Variants in PLB1 observed in about 807,000 individuals in gnomAD.
PLB1 encodes the protein phospholipase B1.
Under a neutral mutation model 227.4 loss-of-function variants are expected in PLB1, and 242 were observed. The ratio of observed to expected loss-of-function variants is 1.06; its 90% CI spans 0.96 to 1.18. The LOEUF is 1.18. PLB1 is among the 50% of genes most tolerant of loss of function. The pLI, the probability that PLB1 is intolerant of heterozygous loss-of-function variation, is 0.00. For missense variants in PLB1, 1,858 were observed against 1,816.3 expected (o/e 1.02, Z -0.42); for synonymous variants, 757 against 682.2 (o/e 1.11, Z -1.71).
At chr2:28,592,035 A>G (rs1682043822) in intron 31 of PLB1, among the ~76,000 whole-genome samples, 1 of 151,986 alleles carries the variant, frequency 6.6e-6, no homozygotes, top group Non-Finnish European at 1.5e-5. Context: ...CTGTGAGCAC[A>G]CCCTTGGTGG....
intron 23 of PLB1, among the ~76,000 whole-genome samples, chr2:28,581,494 T>TAAATAAAA (rs1553439306): frequency 2.6e-5 from 1 of 38,902 alleles, no homozygotes; most frequent in Non-Finnish European, 5.6e-5. Context: ...AAAAAATAAA[T>TAAATAAAA]AAATAAATAA....
chr2:28,593,540 G>T, intron 32 of PLB1, 141 bp from the exon 33 acceptor site: 1 of 687,642 alleles, frequency 1.5e-6, no homozygotes. Context: ...GGCAGACTTA[G>T]AGCCAGGGGC....
At position 28,643,004 on chromosome 2, in the gene PLB1, C is replaced by T; in HGVS notation, c.4320C>T (p.Cys1440=). 2 of 1,611,178 alleles carry T rather than the reference C, an allele frequency of 1.2e-6. No individual in the cohort carries two copies. The highest frequency in any genetic ancestry group is 1.1e-5 in the South Asian group (1 of 90,232). Residue 1440 remains cysteine (C), a synonymous_variant, in exon 58 of 58, where the codon TGC becomes TGT. Coordinates refer to ENST00000327757, the MANE Select transcript of PLB1 (RefSeq NM_153021.5). Reference sequence around the variant, plus strand: ...TCATCGGGACAGTGGTCTGGAGGTGCAGGAGAGGTGGCCGGAGGGAAGATC... The same window carrying T: ...TCATCGGGACAGTGGTCTGGAGGTGTAGGAGAGGTGGCCGGAGGGAAGATC... ...VGIIGTVVWR[C]RRGGRREDPP... is the part of the protein sequence containing the mutation.
At chr2:28,519,865 A>C (rs1572711733) in intron 4 of PLB1, 102 bp downstream of exon 4, 9 of 763,424 alleles carry the variant, frequency 1.2e-5, no homozygotes, top group Non-Finnish European at 2.0e-5. Context: ...TTTGGGAGAG[A>C]ACATCATGTG....
intron 49 of PLB1, among the ~76,000 whole-genome samples, chr2:28,624,093 G>A (rs1303750989): frequency 6.6e-6 from 1 of 152,108 alleles, no homozygotes; most frequent in Non-Finnish European, 1.5e-5. Context: ...GCAAGACCCT[G>A]TCTCAAAAAG....
At chr2:28,511,940 G>C (rs147795417) in intron 1 of PLB1, among the ~76,000 whole-genome samples, 1 of 148,890 alleles carries the variant, frequency 6.7e-6, no homozygotes, top group Non-Finnish European at 1.5e-5. Flanking sequence ...ACCTACCACC[G>C]TGCCTGGCTA....
chr2:28,582,694 C>G (rs868688679), intron 25 of PLB1, among the ~76,000 whole-genome samples, 189 bp downstream of exon 25: 1 of 152,200 alleles, frequency 6.6e-6, no homozygotes, highest in African/African-American at 2.4e-5. Context: ...AGGCCTCAGC[C>G]CACCTCAGGG....
chr2:28,549,875 A>C (rs1426242360), intron 15 of PLB1, 135 bp from the exon 16 acceptor site: 1 of 627,408 alleles, frequency 1.6e-6, no homozygotes, highest in Non-Finnish European at 2.8e-6. Context: ...AGAGCCAGAG[A>C]ATGGTTTGGT....
chr2:28,500,100 A>G (rs1666913380), intron 1 of PLB1, among the ~76,000 whole-genome samples: 1 of 152,200 alleles, frequency 6.6e-6, no homozygotes, highest in African/African-American at 2.4e-5. Flanking sequence ...TAATGTTGTG[A>G]ATTAAATAAA....
chr2:28,626,801 T>A (rs946241048), intron 51 of PLB1, among the ~76,000 whole-genome samples: 1 of 152,182 alleles, frequency 6.6e-6, no homozygotes, highest in Admixed American at 6.5e-5. Context: ...CACACAAATA[T>A]GACCTCTGGT....
intron 45 of PLB1, 109 bp from the exon 46 acceptor site, chr2:28,618,232 A>G: frequency 9.8e-7 from 1 of 1,023,624 alleles, no homozygotes. Flanking sequence ...GCTGAAAATA[A>G]GTACAATGGG....
At chr2:28,628,355 G>T (rs1688101805) in intron 51 of PLB1, among the ~76,000 whole-genome samples, 1 of 152,146 alleles carries the variant, frequency 6.6e-6, no homozygotes, top group African/African-American at 2.4e-5. Flanking sequence ...GGTTGGGATT[G>T]TTCATGGTGT....
intron 20 of PLB1, 151 bp downstream of exon 20, chr2:28,566,990 C>T (rs906123867): frequency 1.9e-5 from 17 of 887,848 alleles, no homozygotes; most frequent in Non-Finnish European, 2.8e-5. Flanking sequence ...AGACTGCCGC[C>T]CAGCTCCGCT....
In PLB1 at chr2:28,618,323, T is replaced by G; in HGVS notation, c.3257-18T>G. On this transcript the variant is annotated intron_variant, in intron 45 of 57. Coordinates refer to ENST00000327757, the MANE Select transcript of PLB1 (RefSeq NM_153021.5). Reference sequence around the variant, plus strand: ...TACCCCCAGCCCCCACAACCACCTCTCTGCTTGTCTCCCCTAGTCCACCAG... The same window carrying G: ...TACCCCCAGCCCCCACAACCACCTCGCTGCTTGTCTCCCCTAGTCCACCAG... 6.2e-7 allele frequency: 1 copy of G among 1,613,454 alleles called. No individual in the cohort carries two copies. Among genetic ancestry groups the G allele is most frequent in the Non-Finnish European group, 8.5e-7 (1 of 1,179,420 alleles).
intron 8 of PLB1, among the ~76,000 whole-genome samples, chr2:28,530,363 TATGAAATGGGGTG>T: frequency 6.6e-6 from 1 of 152,302 alleles, no homozygotes; most frequent in East Asian, 1.9e-4. Context: ...TTTTTCTGTT[TATGAAATGGGGTG>T]ATAAAAGAGC....
chr2:28,626,884 C>G (rs1437364388), intron 51 of PLB1, among the ~76,000 whole-genome samples: 1 of 152,210 alleles, frequency 6.6e-6, no homozygotes, highest in East Asian at 1.9e-4. Context: ...AAACAATGTT[C>G]TAAATGGGGT....
chr2:28,562,662 T>G (rs1034195103), intron 17 of PLB1, among the ~76,000 whole-genome samples: 5 of 152,064 alleles, frequency 3.3e-5, no homozygotes, highest in African/African-American at 1.2e-4. Context: ...TAGAATAGAT[T>G]AAGTATTGGT....
At chr2:28,603,800 C>T (rs980473030) in intron 39 of PLB1, among the ~76,000 whole-genome samples, 166 bp from the exon 40 acceptor site, 2 of 152,212 alleles carry the variant, frequency 1.3e-5, no homozygotes, top group Non-Finnish European at 1.5e-5. Context: ...CCCTGCCAGG[C>T]CTGAAGCCTG....
chr2:28,583,189 CT>C lies in PLB1; in HGVS notation c.1733+698del, dbSNP rs112360775. Reference sequence around the variant, plus strand: ...ATCTGAAATGCTCCAAAATCCAAAACTTTTTTTTTTTTTTGAGACAGGGTCT... The same window carrying C: ...ATCTGAAATGCTCCAAAATCCAAAACTTTTTTTTTTTTTGAGACAGGGTCT... On this transcript the variant is annotated intron_variant, in intron 25 of 57. Transcript: ENST00000327757. Among the ~76,000 whole-genome samples, 795 of 143,956 alleles carry C rather than the reference CT, an allele frequency of 5.5e-3. 3 individuals carry two copies. The highest frequency in any genetic ancestry group is 7.8e-3 in the Non-Finnish European group (510 of 65,362). The allele number at this position is 143,956 out of a possible 152,430, so 94.4% of individuals were successfully genotyped here.
Sources: allele counts gnomAD v4.1 joint callset (sites outside exome capture counted in the v4.1 genomes callset), GRCh38; gene constraint gnomAD v4.1.1; transcripts MANE v1.5; gene names NCBI Gene and HGNC (gene_info 2026-07-23, HGNC 2026-07-21).